ZNF704: variants seen among roughly 807,000 people sequenced by gnomAD.
ZNF704 encodes the protein glucocorticoid induced gene 1.
In ZNF704, 10 loss-of-function variants were observed where a neutral mutation model predicts 44.7. The ratio of observed to expected loss-of-function variants is 0.22; its 90% CI spans 0.14 to 0.38. ZNF704 has a LOEUF of 0.38. ZNF704 is among the 10% of genes least tolerant of loss of function. The pLI is 1.00. For missense variants in ZNF704, 390 were observed against 545.5 expected (o/e 0.71, Z 2.84); for synonymous variants, 211 against 207.6 (o/e 1.02, Z -0.14).
At chr8:80,740,940 G>A (rs1026212754) in intron 2 of ZNF704, among the ~76,000 whole-genome samples, 1 of 152,324 alleles carries the variant, frequency 6.6e-6, no homozygotes. Context: ...CCACCCAAGC[G>A]CTTTTAAACT....
chr8:80,724,726 CCTT>C (rs1382523078), intron 2 of ZNF704, among the ~76,000 whole-genome samples: 3 of 152,140 alleles, frequency 2.0e-5, no homozygotes, highest in East Asian at 1.9e-4. Flanking sequence ...TCCCTAAAAT[CCTT>C]CTCCATTCTG....
At chr8:80,769,000 T>G (rs1422763031) in intron 2 of ZNF704, among the ~76,000 whole-genome samples, 1 of 152,184 alleles carries the variant, frequency 6.6e-6, no homozygotes, top group Non-Finnish European at 1.5e-5. Context: ...CTACACAGTC[T>G]GTGCCATAAA....
At chr8:80,667,958 G>A (rs764420907) in intron 5 of ZNF704, among the ~76,000 whole-genome samples, 12 of 152,170 alleles carry the variant, frequency 7.9e-5, no homozygotes, top group African/African-American at 2.4e-4. Flanking sequence ...TAAACACTAC[G>A]TAAAATGCTT....
Position 80,637,811 on chromosome 8 carries a change from T to G in ZNF704, c.*3555A>C, listed in dbSNP as rs1457366819. ...CCACAGCTTTTTTCCTGACACTGGC[T>G]TTTGCCAACCAAGGGAGAAAACTTT... On this transcript the variant is annotated 3_prime_UTR_variant, in exon 9 of 9. Coordinates refer to ENST00000327835, the MANE Select transcript of ZNF704 (RefSeq NM_001033723.3). The G allele has an allele frequency of 4.6e-5, 7 of 152,266 alleles. No individual in the cohort carries two copies. Among genetic ancestry groups the G allele is most frequent in the Non-Finnish European group, 7.3e-5 (5 of 68,064 alleles). The allele number at this position is 152,266 out of a possible 1,614,324, so 9.4% of individuals were successfully genotyped here.
intron 2 of ZNF704, among the ~76,000 whole-genome samples, chr8:80,716,147 T>C (rs906492787): frequency 2.0e-5 from 3 of 152,102 alleles, no homozygotes; most frequent in African/African-American, 7.2e-5. Flanking sequence ...CTGACTCCTG[T>C]TCTACCAACA....
chr8:80,754,141 T>C (rs1043449333), intron 2 of ZNF704, among the ~76,000 whole-genome samples: 4 of 152,244 alleles, frequency 2.6e-5, no homozygotes, highest in Admixed American at 2.6e-4. Flanking sequence ...CTGTTTTTTT[T>C]TCCTTACAAT....
chr8:80,693,560 G>C (rs535388429), intron 2 of ZNF704, among the ~76,000 whole-genome samples: 1 of 152,200 alleles, frequency 6.6e-6, no homozygotes, highest in African/African-American at 2.4e-5. Context: ...CCTGCCTGTA[G>C]GGGCTGCATC....
chr8:80,748,710 A>G (rs961281648), intron 2 of ZNF704, among the ~76,000 whole-genome samples: 5 of 152,192 alleles, frequency 3.3e-5, no homozygotes, highest in African/African-American at 1.2e-4. Context: ...AAAGTTCTAG[A>G]AACAGAAAGA....
chr8:80,878,305 GAAGGAAGA>G (rs1371604149), upstream of ZNF704, among the ~76,000 whole-genome samples: 8 of 133,758 alleles, frequency 6.0e-5, no homozygotes, highest in Admixed American at 3.0e-4. Flanking sequence ...AGGAAGGAAG[GAAGGAAGA>G]AAATCAGGCT....
intron 1 of ZNF704, among the ~76,000 whole-genome samples, chr8:80,824,275 C>T (rs1029988905): frequency 4.6e-5 from 7 of 152,134 alleles, no homozygotes; most frequent in South Asian, 4.1e-4. Flanking sequence ...AACTACGTGA[C>T]GCATGCACAA....
At chr8:80,736,684 G>A (rs1806672198) in intron 2 of ZNF704, among the ~76,000 whole-genome samples, 1 of 152,092 alleles carries the variant, frequency 6.6e-6, no homozygotes, top group African/African-American at 2.4e-5. Flanking sequence ...ATGGACTTTG[G>A]GGACTCAGGG....
At chr8:80,643,251 G>A in intron 7 of ZNF704, 122 bp from the exon 8 acceptor site, 2 of 559,384 alleles carry the variant, frequency 3.6e-6, no homozygotes, top group South Asian at 7.1e-5. Context: ...CAGGCACGGT[G>A]ATTCATACCT....
At chr8:80,875,702 T>C (rs1033347107), upstream of ZNF704, among the ~76,000 whole-genome samples, 2 of 152,246 alleles carry the variant, frequency 1.3e-5, no homozygotes, top group African/African-American at 4.8e-5. Context: ...GGTAGGCACC[T>C]CCGTGGGGCC....
intron 2 of ZNF704, among the ~76,000 whole-genome samples, chr8:80,779,245 T>C (rs937285617): frequency 2.6e-5 from 4 of 152,170 alleles, no homozygotes; most frequent in Non-Finnish European, 5.9e-5. Context: ...CTTTTAAATT[T>C]GGATGTGTCT....
At chr8:80,681,057 CTT>C (rs1313246699) in intron 4 of ZNF704, among the ~76,000 whole-genome samples, 14 of 151,960 alleles carry the variant, frequency 9.2e-5, no homozygotes, top group Admixed American at 2.0e-4. Flanking sequence ...AGTTTGCTCC[CTT>C]TTATGTGGTG....
chr8:80,779,860 T>G (rs1252233097), intron 2 of ZNF704, among the ~76,000 whole-genome samples: 1 of 150,866 alleles, frequency 6.6e-6, no homozygotes, highest in Non-Finnish European at 1.5e-5. Flanking sequence ...TTTCCTTTAT[T>G]TTGTTAATTT....
intron 6 of ZNF704, among the ~76,000 whole-genome samples, chr8:80,662,687 T>C (rs974354678): frequency 1.3e-5 from 2 of 152,226 alleles, no homozygotes; most frequent in African/African-American, 4.8e-5. Flanking sequence ...TTGTACTTGG[T>C]ACCACTGGAA....
chr8:80,812,103 G>T (rs1808094359), intron 2 of ZNF704: 1 of 152,258 alleles, frequency 6.6e-6, no homozygotes, highest in South Asian at 2.1e-4. Context: ...TTATAGACAA[G>T]AAAAAAACTG....
Position 80,636,023 on chromosome 8 carries a change from C to G in ZNF704, c.*5343G>C, listed in dbSNP as rs552289519. 2 of 152,270 alleles carry G rather than the reference C, an allele frequency of 1.3e-5. No individual in the cohort carries two copies. Among genetic ancestry groups the G allele is most frequent in the South Asian group, 4.1e-4 (2 of 4,828 alleles). 9.4% of individuals were successfully genotyped at this position (152,270 alleles called of 1,614,324 possible). A position where few individuals can be genotyped will look rare whatever the true frequency, so the allele number is the denominator to read the frequency against. On this transcript the variant is annotated 3_prime_UTR_variant, in exon 9 of 9. Transcript: ENST00000327835. The stretch of plus-strand genomic sequence containing the variant: ...TGTATAAAACCAAGGTCATTTCTCA[C>G]AAAATGTCTGCGTTCTTTGTGATTA...
Sources: gnomAD v4.1 joint callset for allele counts (sites outside exome capture counted in the v4.1 genomes callset) on GRCh38, gnomAD v4.1.1 for gene constraint, MANE v1.5 for transcripts, NCBI Gene and HGNC (gene_info 2026-07-23, HGNC 2026-07-21) for gene names.